HSPG2: variants seen among roughly 807,000 people sequenced by gnomAD.
HSPG2 encodes basement membrane-specific heparan sulfate proteoglycan core protein.
Under a neutral mutation model 526.6 loss-of-function variants are expected in HSPG2, and 278 were observed. The observed-to-expected ratio is 0.53, with a 90% CI of 0.48 to 0.58. The LOEUF (loss-of-function observed/expected upper bound fraction) is 0.58, where lower values mean the gene tolerates loss of function less well. Among genes scored for constraint, HSPG2 ranks in the 20% least tolerant of loss-of-function variants. The pLI, the probability that HSPG2 is intolerant of heterozygous loss-of-function variation, is 0.00. For synonymous variants in HSPG2, 2,465 were observed against 2,555.4 expected, an observed-to-expected ratio of 0.96 and a Z score of 1.07; for missense variants, 5,354 against 6,099.5, an observed-to-expected ratio of 0.88 and a Z score of 4.07.
chr1:21,920,838 G>A (rs1644017570), intron 1 of HSPG2, among the ~76,000 whole-genome samples: 2 of 152,110 alleles, frequency 1.3e-5, no homozygotes, highest in African/African-American at 4.8e-5. Context: ...GGTCTGAGGT[G>A]GGCCTAGCGT....
chr1:21,863,311 T>C (rs1639972805), intron 37 of HSPG2, among the ~76,000 whole-genome samples: 1 of 147,138 alleles, frequency 6.8e-6, no homozygotes, highest in African/African-American at 2.5e-5. Context: ...AGGTGGAGCT[T>C]GCAGTGAGCC....
chr1:21,880,014 C>A lies in HSPG2; in HGVS notation c.2343+93G>T, dbSNP rs1167622485. The A allele has an allele frequency of 1.1e-5, 16 of 1,444,064 alleles. No homozygotes were observed. In the Admixed American group the frequency reaches 2.7e-4, roughly 24 times the overall value. 89.5% of individuals were successfully genotyped at this position (1,444,064 alleles called of 1,614,324 possible). A position where few individuals can be genotyped will look rare whatever the true frequency, so the allele number is the denominator to read the frequency against. ...TCATCTGGCAGTCATGACAGTCATT[C>A]TGGAGGCTTGTGCTGAGCTCATGAA... is the stretch of plus-strand genomic sequence containing the variant. On this transcript the variant is annotated intron_variant, in intron 17 of 96. Coordinates refer to ENST00000374695, the MANE Select transcript of HSPG2 (RefSeq NM_005529.7).
rs764354423 is a variant in HSPG2 at position 21,854,619 on chromosome 1, G to A, written c.6280C>T (p.His2094Tyr). The A allele has an allele frequency of 3.8e-6, 6 of 1,565,514 alleles. No homozygotes were observed. The highest frequency in any genetic ancestry group is 5.2e-6 in the Non-Finnish European group (6 of 1,153,190). Residue 2094 changes from histidine (H) to tyrosine (Y), a missense_variant, in exon 49 of 97, where the codon CAC becomes TAC. Coordinates refer to ENST00000374695, the MANE Select transcript of HSPG2 (RefSeq NM_005529.7). ...GCTCAGGGCCCACATACCTGGGTGT[G>A]GGGAGGCAGGCTACCCCCTCGCCTG... ...WYRRGGSLPP[H>Y]TQVHGSRLRL...
intron 1 of HSPG2, among the ~76,000 whole-genome samples, chr1:21,897,033 C>T (rs899767905): frequency 3.9e-5 from 6 of 152,194 alleles, no homozygotes; most frequent in Non-Finnish European, 5.9e-5. Flanking sequence ...TAAGCTCCAC[C>T]TTGGGGCCTG....
At chr1:21,851,365 C>G (rs1360559321) in intron 55 of HSPG2, 181 bp downstream of exon 55, 3 of 783,928 alleles carry the variant, frequency 3.8e-6, no homozygotes, top group Non-Finnish European at 4.1e-6. Flanking sequence ...AGTGGTGGAG[C>G]CAGAATTCAC....
Position 21,878,976 on chromosome 1 carries a change from C to T in HSPG2, c.2471+18G>A. 3 of 1,611,458 alleles carry T rather than the reference C, an allele frequency of 1.9e-6. No homozygotes were observed. Among genetic ancestry groups the T allele is most frequent in the Non-Finnish European group, 2.5e-6 (3 of 1,178,516 alleles). ...CTGTCCCCAGCCAAACCCCCCCTGA[C>T]CCGGAGCTGGGGCTGACCTGCGGGA... On this transcript the variant is annotated intron_variant, in intron 18 of 96. Coordinates refer to ENST00000374695, the MANE Select transcript of HSPG2 (RefSeq NM_005529.7).
intron 1 of HSPG2, among the ~76,000 whole-genome samples, chr1:21,912,957 G>A (rs981691051): frequency 4.0e-5 from 6 of 151,640 alleles, no homozygotes; most frequent in Non-Finnish European, 8.8e-5. Flanking sequence ...TCCAGCCTGG[G>A]CGAAAGAGTG....
At chr1:21,846,039 G>A (rs1332589815) in intron 64 of HSPG2, 69 bp downstream of exon 64, 3 of 1,571,404 alleles carry the variant, frequency 1.9e-6, no homozygotes, top group Admixed American at 1.7e-5. Flanking sequence ...CCTTCTGCCA[G>A]TTCTGCCCCC....
At chr1:21,877,343 T>A (rs1242079284) in intron 21 of HSPG2, among the ~76,000 whole-genome samples, 1 of 152,114 alleles carries the variant, frequency 6.6e-6, no homozygotes, top group Non-Finnish European at 1.5e-5. Flanking sequence ...GGTGATACCT[T>A]CATCCTTCAC....
At chr1:21,900,089 C>T (rs576479895) in intron 1 of HSPG2, among the ~76,000 whole-genome samples, 4 of 152,342 alleles carry the variant, frequency 2.6e-5, no homozygotes, top group South Asian at 2.1e-4. Context: ...AGCCCGTCTC[C>T]GGCGGTGAGG....
intron 64 of HSPG2, among the ~76,000 whole-genome samples, chr1:21,845,127 T>C (rs1049678552): frequency 6.6e-6 from 1 of 152,070 alleles, no homozygotes; most frequent in Non-Finnish European, 1.5e-5. Context: ...ACACCTGTAA[T>C]CCCAGCTACT....
At position 21,879,085 on chromosome 1, in the gene HSPG2, T is replaced by G. The variant is rs760599997; in HGVS notation, c.2380A>C (p.Lys794Gln). The change falls in exon 18 of 97, where the codon AAG becomes CAG. Residue 794 changes from lysine to glutamine, a missense_variant. Physicochemically the swap from Lys to Gln is moderately conservative, Grantham distance 53. Coordinates refer to ENST00000374695, the MANE Select transcript of HSPG2 (RefSeq NM_005529.7). Reference protein sequence around the residue: ...QHNTEGPQCNKCKAGFFGDAM... With the variant: ...QHNTEGPQCNQCKAGFFGDAM... The stretch of plus-strand genomic sequence containing the variant: ...TCCCCAAAGAAGCCAGCCTTGCACT[T>G]GTTGCACTGTGGCCCCTCCGTGTTG... 6.2e-7 allele frequency: 1 copy of G among 1,614,240 alleles called. No homozygotes were observed.
In HSPG2 at chr1:21,831,000, C is replaced by T. The variant is rs1283172752; in HGVS notation, c.11653G>A (p.Ala3885Thr). 6.3e-7 allele frequency: 1 copy of T among 1,584,060 alleles called. No homozygotes were observed. Among genetic ancestry groups the T allele is most frequent in the Non-Finnish European group, 8.6e-7 (1 of 1,164,856 alleles). The stretch of plus-strand genomic sequence containing the variant: ...TGCGTACCTGGATGGCAGTGCAGGG[C>T]CTGCGAGTGCTCACAGCGGCTCCCG... The part of the protein sequence containing the change: ...FTGSRCEHSQ[A>T]LHCHPEACGP... Residue 3885 changes from alanine (A) to threonine (T), a missense_variant, in exon 85 of 97, where the codon GCC becomes ACC. Ala to Thr is a moderately conservative substitution (Grantham distance 58, BLOSUM62 0). Transcript: ENST00000374695.
chr1:21,870,369 A>G, intron 33 of HSPG2: 2 of 875,086 alleles, frequency 2.3e-6, no homozygotes, highest in South Asian at 5.2e-5. Context: ...CTGGAGCTAG[A>G]GCCATGGGCA....
At chr1:21,869,506 G>C in intron 33 of HSPG2, 1 of 987,616 alleles carries the variant, frequency 1.0e-6, no homozygotes, top group Non-Finnish European at 1.2e-6. Flanking sequence ...TGAGGAAGAG[G>C]AGGAGGAGGA....
intron 71 of HSPG2, 38 bp downstream of exon 71, chr1:21,841,063 A>G (rs751827903): frequency 1.7e-5 from 26 of 1,558,444 alleles, no homozygotes; most frequent in Non-Finnish European, 2.2e-5. Flanking sequence ...TGGGCCATGG[A>G]CTGGGCCTCA....
intron 47 of HSPG2, 77 bp downstream of exon 47, chr1:21,855,227 G>T: frequency 6.6e-7 from 1 of 1,520,942 alleles, no homozygotes; most frequent in South Asian, 1.2e-5. Context: ...GGTGGGGCGT[G>T]AAGGGGGAGG....
At position 21,855,608 on chromosome 1, in the gene HSPG2, G is replaced by A. The variant is rs768251038; in HGVS notation, c.5769C>T (p.Val1923=). 10 of 1,581,810 alleles carry A rather than the reference G, an allele frequency of 6.3e-6. No homozygotes were observed. The highest frequency in any genetic ancestry group is 2.7e-5 in the African/African-American group (2 of 74,532). Residue 1923 remains valine, a synonymous_variant, in exon 46 of 97, where the codon GTC becomes GTT. Transcript: ENST00000374695. ...AGTACTGGGCCTGATCCGTGGGCTCGACAGCTGGCAGGCGCAGGATGCCGC... is the reference window on the plus strand; with the variant it reads ...AGTACTGGGCCTGATCCGTGGGCTCAACAGCTGGCAGGCGCAGGATGCCGC... ...IHGGILRLPA[V]EPTDQAQYLC...
chr1:21,894,805 G>A (rs915245437), intron 3 of HSPG2, among the ~76,000 whole-genome samples: 9 of 152,166 alleles, frequency 5.9e-5, no homozygotes, highest in Admixed American at 4.6e-4. Context: ...AGGACGGGAC[G>A]TGCCATGTGT....
Sources: gnomAD v4.1 joint callset for allele counts (sites outside exome capture counted in the v4.1 genomes callset) on GRCh38, gnomAD v4.1.1 for gene constraint, MANE v1.5 for transcripts, NCBI Gene and HGNC (gene_info 2026-07-23, HGNC 2026-07-21) for gene names.